Variants in CNTN4 observed in about 807,000 individuals in gnomAD.
CNTN4 encodes the protein contactin 4.
A neutral mutation model predicts 122.5 loss-of-function variants in CNTN4; 77 were observed. The observed-to-expected ratio is 0.63, with a 90% CI of 0.52 to 0.76. CNTN4 has a LOEUF of 0.76. Ranked by LOEUF, CNTN4 falls within the 30% of genes least tolerant of loss-of-function variation. The pLI, the probability that CNTN4 is intolerant of heterozygous loss-of-function variation, is 0.00. For synonymous variants in CNTN4, 512 were observed against 447.0 expected (o/e 1.15, Z -1.83); for missense variants, 1,256 against 1,259.1 (o/e 1.00, Z 0.04).
intron 14 of CNTN4, among the ~76,000 whole-genome samples, chr3:3,018,322 T>TA (rs1697956003): frequency 6.6e-6 from 1 of 152,242 alleles, no homozygotes; most frequent in Non-Finnish European, 1.5e-5. Flanking sequence ...ATAAGTAGCA[T>TA]AAAACTTTAA....
intron 2 of CNTN4, among the ~76,000 whole-genome samples, chr3:2,221,126 A>G (rs1036345196): frequency 2.0e-5 from 3 of 152,126 alleles, no homozygotes; most frequent in Admixed American, 1.3e-4. Flanking sequence ...TATGTAATTG[A>G]CAGAATACAA....
At position 2,117,783 on chromosome 3, in the gene CNTN4, C is replaced by T. The variant is rs1487713140; in HGVS notation, c.-145+17144C>T. ...ATTTCCCGGGTGATTTTATTAGACA[C>T]GCAGGGTTTAGGACCACAGATGCGA... On this transcript the variant is annotated intron_variant, in intron 2 of 24. Coordinates refer to ENST00000418658, the MANE Select transcript of CNTN4 (RefSeq NM_175607.3). Among the ~76,000 whole-genome samples the T allele has an allele frequency of 3.9e-5, 6 of 152,090 alleles. 1 individual carries two copies. The highest frequency in any genetic ancestry group is 2.1e-4 in the South Asian group (1 of 4,820).
intron 4 of CNTN4, among the ~76,000 whole-genome samples, chr3:2,588,962 G>A (rs1172657504): frequency 6.6e-6 from 1 of 152,146 alleles, no homozygotes; most frequent in South Asian, 2.1e-4. Context: ...AAAAGTTGAT[G>A]TAAATCAATT....
At chr3:2,395,640 G>T (rs554463114) in intron 3 of CNTN4, among the ~76,000 whole-genome samples, 1 of 151,966 alleles carries the variant, frequency 6.6e-6, no homozygotes, top group Non-Finnish European at 1.5e-5. Flanking sequence ...CATTGTTCCC[G>T]TCTTTATGTC....
At chr3:2,868,849 G>T (rs1484299907) in intron 8 of CNTN4, among the ~76,000 whole-genome samples, 3 of 152,044 alleles carry the variant, frequency 2.0e-5, no homozygotes, top group East Asian at 1.9e-4. Flanking sequence ...TGGTGGGTTT[G>T]GGGGGTGGTG....
At chr3:2,133,907 G>T (rs2034565968) in intron 2 of CNTN4, among the ~76,000 whole-genome samples, 1 of 152,024 alleles carries the variant, frequency 6.6e-6, no homozygotes, top group Non-Finnish European at 1.5e-5. Context: ...GTTTTCTTAT[G>T]ATTTTCCTAT....
intron 14 of CNTN4, among the ~76,000 whole-genome samples, chr3:2,997,011 A>G (rs1290261130): frequency 6.6e-6 from 1 of 152,172 alleles, no homozygotes; most frequent in African/African-American, 2.4e-5. Context: ...TCCTTCTGTC[A>G]TCCTGCCATA....
intron 6 of CNTN4, among the ~76,000 whole-genome samples, chr3:2,794,655 T>C (rs2092113322): frequency 6.6e-6 from 1 of 152,196 alleles, no homozygotes; most frequent in African/African-American, 2.4e-5. Context: ...AAATAAGTCA[T>C]CTCTTGAGTC....
At chr3:2,400,414 T>C (rs914154960) in intron 3 of CNTN4, among the ~76,000 whole-genome samples, 5 of 62,690 alleles carry the variant, frequency 8.0e-5, no homozygotes, top group Non-Finnish European at 1.9e-4. Flanking sequence ...AATATATATA[T>C]ATATATATAT....
intron 2 of CNTN4, among the ~76,000 whole-genome samples, chr3:2,286,316 A>G (rs1270151439): frequency 6.7e-6 from 1 of 149,222 alleles, no homozygotes; most frequent in East Asian, 2.0e-4. Flanking sequence ...GGTTGTGTAT[A>G]CACCAGTTTC....
intron 4 of CNTN4, among the ~76,000 whole-genome samples, chr3:2,687,621 C>T (rs1463960382): frequency 1.3e-5 from 2 of 152,174 alleles, no homozygotes; most frequent in Admixed American, 1.3e-4. Context: ...CTGCACTCCA[C>T]TCCGAACAAG....
At chr3:2,398,460 A>G (rs1385882003) in intron 3 of CNTN4, among the ~76,000 whole-genome samples, 4 of 152,134 alleles carry the variant, frequency 2.6e-5, no homozygotes, top group Admixed American at 1.3e-4. Flanking sequence ...ACCAACAGCT[A>G]CTATAAAAAA....
At position 2,609,594 on chromosome 3, in the gene CNTN4, G is replaced by T. The variant is rs79594193; in HGVS notation, c.55+38036G>T. Among the ~76,000 whole-genome samples the T allele has an allele frequency of 8.7e-3, 1,320 of 152,296 alleles. 23 individuals carry two copies. Among genetic ancestry groups the T allele is most frequent in the African/African-American group, 0.03 (1,256 of 41,564 alleles). ...CAAAAGCATTATGTTCAGTAGGATA[G>T]CTCTCTAACTTATCTCTAAAGTTAA... On this transcript the variant is annotated intron_variant, in intron 4 of 24. Transcript: ENST00000418658.
chr3:2,347,707 G>T (rs1158791283), intron 3 of CNTN4, among the ~76,000 whole-genome samples: 2 of 151,854 alleles, frequency 1.3e-5, no homozygotes, highest in African/African-American at 2.4e-5. Flanking sequence ...ACCATGCCTG[G>T]CCAGGAAATA....
intron 4 of CNTN4, among the ~76,000 whole-genome samples, chr3:2,693,126 T>G (rs1452945135): frequency 6.6e-6 from 1 of 152,192 alleles, no homozygotes; most frequent in African/African-American, 2.4e-5. Flanking sequence ...TCCATATGTC[T>G]TCCTAAATAC....
At chr3:2,190,235 CA>C (rs1041341223) in intron 2 of CNTN4, among the ~76,000 whole-genome samples, 1 of 151,796 alleles carries the variant, frequency 6.6e-6, no homozygotes, top group Non-Finnish European at 1.5e-5. Context: ...TAGTAAAATT[CA>C]AAGAATAACA....
chr3:2,556,386 C>G (rs533785571), intron 3 of CNTN4, among the ~76,000 whole-genome samples: 2 of 152,174 alleles, frequency 1.3e-5, no homozygotes, highest in Admixed American at 6.5e-5. Context: ...TACTTACAAA[C>G]GCATGAGTTA....
chr3:3,054,460 T>A lies in CNTN4; in HGVS notation c.2980+485T>A, dbSNP rs79739704. Among the ~76,000 whole-genome samples the A allele has an allele frequency of 6.5e-3, 992 of 152,312 alleles. 10 individuals carry two copies. Among genetic ancestry groups the A allele is most frequent in the African/African-American group, 0.023 (952 of 41,562 alleles). The stretch of plus-strand genomic sequence containing the variant: ...TGCAACATGTGCATCAATGTGTATG[T>A]CTCTCTATAGTCAAGATTATCTTCA... On this transcript the variant is annotated intron_variant, in intron 24 of 24. Coordinates refer to ENST00000418658, the MANE Select transcript of CNTN4 (RefSeq NM_175607.3).
chr3:2,431,441 T>C (rs2048066334), intron 3 of CNTN4, among the ~76,000 whole-genome samples: 2 of 152,238 alleles, frequency 1.3e-5, no homozygotes, highest in Admixed American at 1.3e-4. Context: ...GAGAATGGGA[T>C]AGGGCACATT....
Sources: allele counts gnomAD v4.1 joint callset (sites outside exome capture counted in the v4.1 genomes callset), GRCh38; gene constraint gnomAD v4.1.1; transcripts MANE v1.5; gene names NCBI Gene and HGNC (gene_info 2026-07-23, HGNC 2026-07-21).